Variants in FAM13B observed in about 807,000 individuals in gnomAD.
FAM13B encodes the protein family with sequence similarity 13 member B, also known as protein FAM13B.
A neutral mutation model predicts 117.3 loss-of-function variants in FAM13B; 60 were observed. That is an observed-to-expected ratio of 0.51 (90% CI 0.42 to 0.63). The LOEUF is 0.63. Among genes scored for constraint, FAM13B ranks in the 30% least tolerant of loss-of-function variants. The pLI is 0.00. For missense variants in FAM13B, 972 were observed against 1,091.9 expected, an observed-to-expected ratio of 0.89 and a Z score of 1.55; for synonymous variants, 332 against 356.1, an observed-to-expected ratio of 0.93 and a Z score of 0.76.
At chr5:138,023,019 T>C (rs894174370) in intron 1 of FAM13B, among the ~76,000 whole-genome samples, 1 of 152,032 alleles carries the variant, frequency 6.6e-6, no homozygotes, top group Non-Finnish European at 1.5e-5. Context: ...GGAAGTCTCA[T>C]GTTGCCCAGG....
intron 18 of FAM13B, 154 bp from the exon 19 acceptor site, chr5:137,946,465 G>A (rs1763480162): frequency 1.8e-6 from 1 of 543,936 alleles, no homozygotes; most frequent in Non-Finnish European, 3.1e-6. Flanking sequence ...GCCTTTGCTT[G>A]CAGATTTGCA....
Position 137,962,523 on chromosome 5 carries a change from A to G in FAM13B, c.1180-54T>C, listed in dbSNP as rs1430219084. ...ATGGAGCTCCCAATACTCAGATAAGAGAAGTTGCCAATCTAAATTAGGATA... is the reference window on the plus strand; with the variant it reads ...ATGGAGCTCCCAATACTCAGATAAGGGAAGTTGCCAATCTAAATTAGGATA... On this transcript the variant is annotated intron_variant, in intron 10 of 23. Transcript: ENST00000689681. The G allele has an allele frequency of 2.6e-6, 4 of 1,511,776 alleles. No homozygotes were observed. The African/African-American group carries it at 5.6e-5, about 21-fold the overall frequency. 93.6% of individuals were successfully genotyped at this position (1,511,776 alleles called of 1,614,324 possible).
Sources: gnomAD v4.1 joint callset for allele counts (sites outside exome capture counted in the v4.1 genomes callset) on GRCh38, gnomAD v4.1.1 for gene constraint, MANE v1.5 for transcripts, NCBI Gene and HGNC (gene_info 2026-07-23, HGNC 2026-07-21) for gene names.